SLC36A1: variants seen among roughly 807,000 people sequenced by gnomAD.
The protein encoded by SLC36A1 is solute carrier family 36 member 1.
In SLC36A1, 30 loss-of-function variants were observed where a neutral mutation model predicts 47.5. The ratio of observed to expected loss-of-function variants is 0.63; its 90% confidence interval spans 0.47 to 0.86. SLC36A1 has a LOEUF of 0.86. Ranked by LOEUF, SLC36A1 falls within the 40% of genes least tolerant of loss-of-function variation. The pLI is 0.00. For missense variants in SLC36A1, 517 were observed against 606.0 expected (o/e 0.85, Z 1.54); for synonymous variants, 255 against 249.7 (o/e 1.02, Z -0.20).
In SLC36A1 at chr5:151,476,879, C is replaced by T; in HGVS notation, c.989+123C>T. 4 of 1,229,422 alleles carry T rather than the reference C, an allele frequency of 3.3e-6. No homozygotes were observed. In the Admixed American group the frequency reaches 5.9e-5, roughly 18 times the overall value. The allele number at this position is 1,229,422 out of a possible 1,614,324, so 76.2% of individuals were successfully genotyped here. A position where few individuals can be genotyped will look rare whatever the true frequency, so the allele number is the denominator to read the frequency against. On this transcript the variant is annotated intron_variant, in intron 9 of 10. Coordinates refer to ENST00000243389, the MANE Select transcript of SLC36A1 (RefSeq NM_078483.4). ...GCCCACTTCACTCTAGCCCACCATC[C>T]CCTGCCACTGCCAGCCCTCACTGGC...
intron 1 of SLC36A1, among the ~76,000 whole-genome samples, chr5:151,451,381 A>T (rs1753644453): frequency 6.6e-6 from 1 of 152,110 alleles, no homozygotes; most frequent in African/African-American, 2.4e-5. Context: ...GACCATCTCT[A>T]GTAGGAAAAG....
chr5:151,344,753 C>G, the SLC36A1 span, among the ~76,000 whole-genome samples: 1 of 152,074 alleles, frequency 6.6e-6, no homozygotes, highest in African/African-American at 2.4e-5. Flanking sequence ...AGAAACAACC[C>G]CATATCATAA....
chr5:151,451,429 C>T (rs1034675469), intron 1 of SLC36A1, among the ~76,000 whole-genome samples: 13 of 152,092 alleles, frequency 8.5e-5, no homozygotes, highest in African/African-American at 3.1e-4. Flanking sequence ...GTTAGGAAAT[C>T]TGTCTGTGGG....
chr5:151,512,134 C>T, the SLC36A1 span: 2 of 1,594,762 alleles, frequency 1.3e-6, no homozygotes, highest in South Asian at 1.1e-5. This position sits in a 1 kb window ranked among gnomAD's most constrained non-coding sequence, Gnocchi z 4.1. Context: ...TGGGATAAAC[C>T]CTGGGTTCAG....
At chr5:151,493,425 G>A (rs117267388), downstream of SLC36A1, among the ~76,000 whole-genome samples, 5 of 152,242 alleles carry the variant, frequency 3.3e-5, no homozygotes, top group East Asian at 1.9e-4. Context: ...GCAAGTACCA[G>A]GTTGTTTACC....
the SLC36A1 span, chr5:151,534,546 G>T: frequency 6.2e-7 from 1 of 1,614,132 alleles, no homozygotes; most frequent in East Asian, 2.2e-5. Flanking sequence ...GGTGATGTCT[G>T]CCTGGCACGA....
At chr5:151,521,267 AG>A in the SLC36A1 span, 5 of 1,595,788 alleles carry the variant, frequency 3.1e-6, no homozygotes, top group Non-Finnish European at 4.3e-6. Context: ...GGGAAGATGT[AG>A]TACTTACCAT....
In SLC36A1 at chr5:151,467,303, A is replaced by G; in HGVS notation, c.504+20A>G. On this transcript the variant is annotated intron_variant, in intron 6 of 10. Transcript: ENST00000243389. ...AAACAGGTAGGCACCTGGTTAAAAA[A>G]GAAAAAAAAAAAAAAAACCAGAGCG... 3.0e-6 allele frequency: 4 copies of G among 1,348,980 alleles called. No homozygotes were observed. The highest frequency in any genetic ancestry group is 4.0e-6 in the Non-Finnish European group (4 of 993,506). The allele number at this position is 1,348,980 out of a possible 1,614,324, so 83.6% of individuals were successfully genotyped here.
At chr5:151,487,577 G>T (rs928653041) in intron 10 of SLC36A1, among the ~76,000 whole-genome samples, 1 of 152,208 alleles carries the variant, frequency 6.6e-6, no homozygotes, top group Non-Finnish European at 1.5e-5. Context: ...TGTGTTGGAG[G>T]CTCCCTGAGT....
chr5:151,544,987 G>T, the SLC36A1 span: 1 of 1,614,134 alleles, frequency 6.2e-7, no homozygotes, highest in Non-Finnish European at 8.5e-7. Flanking sequence ...CCGCTGAGGT[G>T]TCCGATTGTC....
rs1754430397 is a variant in SLC36A1 at position 151,455,939 on chromosome 5, A to G, written c.-5-2849A>G. ...TTATGATGTCCAGTGTTAGCATTTT[A>G]TGACTTAGTGGTGTCAGTTAGTCTA... On this transcript the variant is annotated intron_variant, in intron 1 of 10. Coordinates refer to ENST00000243389, the MANE Select transcript of SLC36A1 (RefSeq NM_078483.4). Among the ~76,000 whole-genome samples, 7 of 152,214 alleles carry G rather than the reference A, an allele frequency of 4.6e-5. No homozygotes were observed. The South Asian group carries it at 1.4e-3, about 31-fold the overall frequency.
intron 10 of SLC36A1, among the ~76,000 whole-genome samples, chr5:151,486,271 G>A (rs1250065635): frequency 6.6e-6 from 1 of 152,118 alleles, no homozygotes; most frequent in Non-Finnish European, 1.5e-5. Context: ...AGGGCCCCAA[G>A]TCATTCATGA....
chr5:151,434,419 G>A (rs1422382026), upstream of SLC36A1, among the ~76,000 whole-genome samples: 3 of 152,148 alleles, frequency 2.0e-5, no homozygotes, highest in East Asian at 3.8e-4. Flanking sequence ...TAAAAATTTA[G>A]TTGAGTTAAT....
At chr5:151,431,133 C>T in the SLC36A1 span, 1 of 152,146 alleles carries the variant, frequency 6.6e-6, no homozygotes, top group Non-Finnish European at 1.5e-5. Flanking sequence ...ACTAACACAA[C>T]TTCTCTACAC....
rs75166205 is a variant in SLC36A1 at position 151,459,056 on chromosome 5, G to A, written c.143+121G>A. The A allele has an allele frequency of 5.3e-3, 5,826 of 1,094,086 alleles. 200 individuals are homozygous for A. The African/African-American group carries it at 0.08, about 15-fold the overall frequency. 67.8% of individuals were successfully genotyped at this position (1,094,086 alleles called of 1,614,324 possible). Reference sequence around the variant, plus strand: ...TTTACAGATGAAGGTCAGCAGTGAAGAGATTGGGCGAGTGACTGCGCTGAG... The same window carrying A: ...TTTACAGATGAAGGTCAGCAGTGAAAAGATTGGGCGAGTGACTGCGCTGAG... On this transcript the variant is annotated intron_variant, in intron 2 of 10. Transcript: ENST00000243389.
chr5:151,519,355 C>T, the SLC36A1 span, among the ~76,000 whole-genome samples: 1 of 152,108 alleles, frequency 6.6e-6, no homozygotes, highest in South Asian at 2.1e-4. Flanking sequence ...AAAACAAAAA[C>T]AAAAATCCAA....
At position 151,492,232 on chromosome 5, in the gene SLC36A1, T is replaced by C. The variant is rs1160511665; in HGVS notation, c.*3978T>C. The C allele has an allele frequency of 6.6e-6, 1 of 152,246 alleles. No homozygotes were observed. Among genetic ancestry groups the C allele is most frequent in the Non-Finnish European group, 1.5e-5 (1 of 68,052 alleles). 9.4% of individuals were successfully genotyped at this position (152,246 alleles called of 1,614,324 possible). Reference sequence around the variant, plus strand: ...GATAACTAGACAGTACTGTGTATGTTACGTGCCTGTGTGGATGTGCACTTC... The same window carrying C: ...GATAACTAGACAGTACTGTGTATGTCACGTGCCTGTGTGGATGTGCACTTC... On this transcript the variant is annotated 3_prime_UTR_variant, in exon 11 of 11. Coordinates refer to ENST00000243389, the MANE Select transcript of SLC36A1 (RefSeq NM_078483.4).
At chr5:151,418,583 T>C in the SLC36A1 span, among the ~76,000 whole-genome samples, 1 of 152,150 alleles carries the variant, frequency 6.6e-6, no homozygotes, top group Non-Finnish European at 1.5e-5. Flanking sequence ...GTTTGGCCAA[T>C]TTCTCCCATT....
At chr5:151,435,120 AC>A (rs1322780386), upstream of SLC36A1, among the ~76,000 whole-genome samples, 1 of 152,232 alleles carries the variant, frequency 6.6e-6, no homozygotes, top group African/African-American at 2.4e-5. Flanking sequence ...GTATCTGGAC[AC>A]TTTATAGTGA....
Sources: gnomAD v4.1 joint callset for allele counts (sites outside exome capture counted in the v4.1 genomes callset) on GRCh38, gnomAD v4.1.1 for gene constraint, Gnocchi (gnomAD v3.1) non-coding constraint, MANE v1.5 for transcripts, NCBI Gene and HGNC (gene_info 2026-07-23, HGNC 2026-07-21) for gene names.